The following ABTB2 variants were observed in gnomAD, a reference collection of about 807,000 sequenced individuals.
ABTB2 encodes the protein ankyrin repeat and BTB/POZ domain-containing protein 2.
ABTB2 carries 56 observed loss-of-function variants against 104.1 expected under a neutral mutation model. That is an observed-to-expected ratio of 0.54 (90% confidence interval 0.43 to 0.67). The LOEUF (loss-of-function observed/expected upper bound fraction) is 0.67. Among genes scored for constraint, ABTB2 ranks in the 30% least tolerant of loss-of-function variants. The pLI is 0.00. For synonymous variants in ABTB2, 606 were observed against 608.2 expected (o/e 1.00, Z 0.05); for missense variants, 1,279 against 1,407.7 (o/e 0.91, Z 1.46).
At chr11:34,215,505 T>C (rs1229135117) in intron 1 of ABTB2, among the ~76,000 whole-genome samples, 1 of 152,240 alleles carries the variant, frequency 6.6e-6, no homozygotes, top group Non-Finnish European at 1.5e-5. Flanking sequence ...AAACATAACC[T>C]GCTTCAATCA....
chr11:34,356,852 G>A lies in ABTB2; in HGVS notation c.732C>T (p.Ala244=). The part of the protein sequence containing the change: ...CMENLVEEIR[A]RVMASHSPDG... ...CAGGGCTGTGGCTGGCCATCACCCTGGCCCGGATCTCCTCCACCAGGTTCT... is the reference window on the plus strand; with the variant it reads ...CAGGGCTGTGGCTGGCCATCACCCTAGCCCGGATCTCCTCCACCAGGTTCT... The change falls in exon 1 of 17, where the codon GCC becomes GCT. Residue 244 remains alanine (A), a synonymous_variant. Transcript: ENST00000435224. The surrounding 1 kb of genome is among the most constrained non-coding windows in gnomAD (Gnocchi z 4.6). 1 of 1,605,334 alleles carries A rather than the reference G, an allele frequency of 6.2e-7. No homozygotes were observed. Among genetic ancestry groups the A allele is most frequent in the South Asian group, 1.1e-5 (1 of 89,642 alleles).
intron 10 of ABTB2, among the ~76,000 whole-genome samples, chr11:34,162,303 C>T (rs1057261200): frequency 1.3e-5 from 2 of 152,228 alleles, no homozygotes; most frequent in African/African-American, 4.8e-5. Context: ...AGCGAAGCTC[C>T]AGCCAGGCAG....
intron 1 of ABTB2, among the ~76,000 whole-genome samples, chr11:34,280,028 C>T (rs1186600779): frequency 1.3e-5 from 2 of 152,092 alleles, no homozygotes; most frequent in African/African-American, 4.8e-5. Context: ...GACTCAGCCT[C>T]CGAAAGTGCT....
intron 1 of ABTB2, among the ~76,000 whole-genome samples, chr11:34,256,378 T>C (rs1854123272): frequency 6.6e-6 from 1 of 152,102 alleles, no homozygotes; most frequent in Admixed American, 6.5e-5. Flanking sequence ...GAGTCAGTCT[T>C]GAAGGAATAC....
At chr11:34,226,074 C>T (rs1248969534) in intron 1 of ABTB2, among the ~76,000 whole-genome samples, 4 of 151,298 alleles carry the variant, frequency 2.6e-5, no homozygotes, top group East Asian at 2.0e-4. Context: ...GTGTTGCGTG[C>T]GCCTGTAGTC....
chr11:34,221,691 A>G lies in ABTB2; in HGVS notation c.884-17001T>C, dbSNP rs570134266. Among the ~76,000 whole-genome samples the G allele has an allele frequency of 8.5e-5, 13 of 152,312 alleles. No homozygotes were observed. The South Asian group carries it at 2.7e-3, about 32-fold the overall frequency. On this transcript the variant is annotated intron_variant, in intron 1 of 16. Coordinates refer to ENST00000435224, the MANE Select transcript of ABTB2 (RefSeq NM_145804.3). ...CTCACGGGGCAATCCTCTGGCCAGA[A>G]CATTCACCTGCTGCTAGGCAGTCTG...
At chr11:34,224,586 ATGAGTTAGG>A (rs1315234315) in intron 1 of ABTB2, among the ~76,000 whole-genome samples, 2 of 152,186 alleles carry the variant, frequency 1.3e-5, no homozygotes, top group African/African-American at 4.8e-5. Context: ...GCACCAGCTC[ATGAGTTAGG>A]TGGACCCAAC....
intron 1 of ABTB2, among the ~76,000 whole-genome samples, chr11:34,302,332 T>C (rs989941016): frequency 3.9e-5 from 6 of 152,276 alleles, no homozygotes; most frequent in South Asian, 4.1e-4. Flanking sequence ...TCAGATGATA[T>C]GTAGACAGGA....
intron 1 of ABTB2, among the ~76,000 whole-genome samples, chr11:34,279,280 T>A (rs1048366980): frequency 1.3e-5 from 2 of 152,196 alleles, no homozygotes; most frequent in African/African-American, 4.8e-5. Context: ...TTTATCTTTT[T>A]AAATAGAGAT....
rs1206250550 is a variant in ABTB2 at position 34,357,467 on chromosome 11, C to A, written c.117G>T (p.Ser39=). The A allele has an allele frequency of 2.0e-5, 31 of 1,547,122 alleles. No homozygotes were observed. Among genetic ancestry groups the A allele is most frequent in the African/African-American group, 2.7e-5 (2 of 73,028 alleles). ...SLSLSSSKSN[S]QALNSSAQQH... is the part of the protein sequence containing the mutation. Reference sequence around the variant, plus strand: ...GCTGCGCCGAAGAGTTGAGCGCCTGCGAGTTGGACTTGGAGGACGAGAGGC... The same window carrying A: ...GCTGCGCCGAAGAGTTGAGCGCCTGAGAGTTGGACTTGGAGGACGAGAGGC... Residue 39 remains serine, a synonymous_variant, in exon 1 of 17, where the codon TCG becomes TCT. Coordinates refer to ENST00000435224, the MANE Select transcript of ABTB2 (RefSeq NM_145804.3).
chr11:34,307,566 G>A (rs933005330), intron 1 of ABTB2, among the ~76,000 whole-genome samples: 3 of 152,312 alleles, frequency 2.0e-5, no homozygotes, highest in Admixed American at 1.3e-4. Context: ...ATGGCTCTCC[G>A]AGAGAGGGCA....
At chr11:34,160,820 G>A (rs965738454) in intron 11 of ABTB2, 83 bp downstream of exon 11, 21 of 1,441,718 alleles carry the variant, frequency 1.5e-5, no homozygotes, top group African/African-American at 7.1e-5. Context: ...GTCTGTCCAC[G>A]TGTCTGCCTG....
intron 1 of ABTB2, among the ~76,000 whole-genome samples, chr11:34,278,843 C>T (rs1854415899): frequency 6.6e-6 from 1 of 152,198 alleles, no homozygotes; most frequent in African/African-American, 2.4e-5. Flanking sequence ...AGACTCAGTG[C>T]CAACTTGGAA....
chr11:34,242,788 C>A (rs1336479857), intron 1 of ABTB2, among the ~76,000 whole-genome samples: 1 of 152,098 alleles, frequency 6.6e-6, no homozygotes, highest in South Asian at 2.1e-4. Flanking sequence ...GTGGCTCATG[C>A]GGGCATTGCC....
intron 1 of ABTB2, among the ~76,000 whole-genome samples, chr11:34,270,913 T>C (rs921258001): frequency 4.6e-5 from 7 of 152,246 alleles, no homozygotes; most frequent in Non-Finnish European, 1.0e-4. Context: ...CCTTTTGCCC[T>C]GAGGGCTGCC....
intron 1 of ABTB2, among the ~76,000 whole-genome samples, chr11:34,211,109 ATTCT>A: frequency 6.6e-6 from 1 of 152,178 alleles, no homozygotes; most frequent in South Asian, 2.1e-4. Context: ...CAGTCAATTC[ATTCT>A]TTTTGTTTGT....
At chr11:34,278,921 A>C (rs1356775199) in intron 1 of ABTB2, among the ~76,000 whole-genome samples, 5 of 152,252 alleles carry the variant, frequency 3.3e-5, no homozygotes, top group African/African-American at 1.2e-4. Context: ...CAAAGATCCC[A>C]GCCACTGTGG....
At chr11:34,308,477 G>A (rs750870882) in intron 1 of ABTB2, among the ~76,000 whole-genome samples, 3 of 152,096 alleles carry the variant, frequency 2.0e-5, no homozygotes, top group Non-Finnish European at 4.4e-5. Context: ...ATCACATCTT[G>A]GGGTCACTCC....
intron 1 of ABTB2, among the ~76,000 whole-genome samples, chr11:34,270,826 T>C (rs1444721131): frequency 1.3e-5 from 2 of 152,216 alleles, no homozygotes; most frequent in African/African-American, 2.4e-5. Flanking sequence ...GATGATAGCA[T>C]ATCGTCAAGT....
Sources: allele counts gnomAD v4.1 joint callset (sites outside exome capture counted in the v4.1 genomes callset), GRCh38; gene constraint gnomAD v4.1.1; non-coding constraint Gnocchi (gnomAD v3.1); transcripts MANE v1.5; gene names NCBI Gene and HGNC (gene_info 2026-07-23, HGNC 2026-07-21).